CSK: variants seen among roughly 807,000 people sequenced by gnomAD.
CSK encodes tyrosine-protein kinase CSK.
Under a neutral mutation model 62.3 loss-of-function variants are expected in CSK, and 7 were observed. That is an observed-to-expected ratio of 0.11 (90% CI 0.06 to 0.21). The LOEUF (loss-of-function observed/expected upper bound fraction) is 0.21, where lower values mean the gene tolerates loss of function less well. Ranked by LOEUF, CSK falls within the 10% of genes least tolerant of loss-of-function variation. CSK has a pLI of 1.00. For missense variants in CSK, 294 were observed against 613.5 expected, an observed-to-expected ratio of 0.48 and a Z score of 5.50; for synonymous variants, 237 against 246.0, an observed-to-expected ratio of 0.96 and a Z score of 0.34.
In CSK at chr15:74,802,792, TAG is replaced by T. The variant is rs1477553526; in HGVS notation, c.*282_*283del. 5.0e-6 allele frequency: 2 copies of T among 402,186 alleles called. No individual in the cohort carries two copies. Among genetic ancestry groups the T allele is most frequent in the Non-Finnish European group, 8.8e-6 (2 of 226,382 alleles). 24.9% of individuals were successfully genotyped at this position (402,186 alleles called of 1,614,324 possible). A position where few individuals can be genotyped will look rare whatever the true frequency, so the allele number is the denominator to read the frequency against. Reference sequence around the variant, plus strand: ...CCTGGCCTCCCGCCACTCGCCTTCTTAGAGTTTTATTCCTTTCCTTTTTTGAG... The same window carrying T: ...CCTGGCCTCCCGCCACTCGCCTTCTTAGTTTTATTCCTTTCCTTTTTTGAG... On this transcript the variant is annotated 3_prime_UTR_variant, in exon 13 of 13. Transcript: ENST00000220003.
intron 1 of CSK, among the ~76,000 whole-genome samples, chr15:74,786,013 T>TTGTGTGTGTGTGTG (rs1555464578): frequency 3.5e-3 from 166 of 47,322 alleles, no homozygotes; most frequent in Middle Eastern, 0.013. Context: ...TTTTTTTTTT[T>TTGTGTGTGTGTGTG]TGTGTGTGTG....
rs1318371331 is a variant in CSK at position 74,803,032 on chromosome 15, T to C, written c.*519T>C. 1 of 158,454 alleles carries C rather than the reference T, an allele frequency of 6.3e-6. No homozygotes were observed. The highest frequency in any genetic ancestry group is 2.4e-5 in the African/African-American group (1 of 41,490). The allele number at this position is 158,454 out of a possible 1,614,324, so 9.8% of individuals were successfully genotyped here. ...CCCGTGTCTCCTCGGTCGCCCCGTG[T>C]TTGCGCTTGACCATGTTGCACTGTT... On this transcript the variant is annotated 3_prime_UTR_variant, in exon 13 of 13. Transcript: ENST00000220003.
At position 74,800,426 on chromosome 15, in the gene CSK, C is replaced by T. The variant is rs200813496; in HGVS notation, c.477C>T (p.Asp159=). 9.7e-5 allele frequency: 156 copies of T among 1,614,020 alleles called. 2 individuals carry two copies. Among genetic ancestry groups the T allele is most frequent in the South Asian group, 9.3e-4 (85 of 91,046 alleles). ...ACACCCTGCAGCACTACACCTCAGA[C>T]GCAGATGGACTCTGTACGCGCCTCA... ...LMQLVEHYTS[D]ADGLCTRLIK... is the part of the protein sequence containing the mutation. The change falls in exon 6 of 13, where the codon GAC becomes GAT. Residue 159 remains aspartate, a synonymous_variant. Transcript: ENST00000220003.
intron 9 of CSK, 142 bp from the exon 10 acceptor site, chr15:74,801,380 G>A: frequency 2.6e-6 from 2 of 762,308 alleles, no homozygotes; most frequent in Non-Finnish European, 4.2e-6. Context: ...GCAGTGTCCG[G>A]CATGGATGTT....
Position 74,785,240 on chromosome 15 carries a change from G to A in CSK, c.-66+2520G>A, listed in dbSNP as rs1040297457. On this transcript the variant is annotated intron_variant, in intron 1 of 12. Transcript: ENST00000220003. ...GACACCTTTTTTCATTTAATACTGC[G>A]TCTGTGGGCATTTTCTCATGGTGCT... is the stretch of plus-strand genomic sequence containing the variant. Among the ~76,000 whole-genome samples the A allele has an allele frequency of 2.5e-4, 38 of 152,086 alleles. 1 individual carries two copies. The highest frequency in any genetic ancestry group is 4.6e-4 in the Non-Finnish European group (31 of 68,028).
rs771759997 is a variant in CSK, at chr15:74,800,474, C to A, written c.525C>A (p.Gly175=). The change falls in exon 6 of 13, where the codon GGC becomes GGA. Residue 175 remains glycine, a synonymous_variant. Transcript: ENST00000220003. ...TRLIKPKVME[G]TVAAQDEFYR... The stretch of plus-strand genomic sequence containing the variant: ...TCATTAAACCAAAGGTCATGGAGGG[C>A]ACAGTGGCGGCCCAGGATGAGTTCT... The A allele has an allele frequency of 1.2e-6, 2 of 1,614,062 alleles. No homozygotes were observed. The highest frequency in any genetic ancestry group is 3.3e-5 in the Admixed American group (2 of 60,006).
intron 1 of CSK, among the ~76,000 whole-genome samples, chr15:74,792,799 C>T (rs570998489): frequency 2.0e-5 from 3 of 152,312 alleles, no homozygotes; most frequent in South Asian, 4.1e-4. Flanking sequence ...AGCCTGTTCC[C>T]GGGACCCCAG....
At chr15:74,789,026 C>G (rs1319540272) in intron 1 of CSK, among the ~76,000 whole-genome samples, 1 of 152,208 alleles carries the variant, frequency 6.6e-6, no homozygotes. Flanking sequence ...GCAGCGGTGC[C>G]TGGGGAGTAG....
At position 74,802,242 on chromosome 15, in the gene CSK, A is replaced by G. The variant is rs570931395; in HGVS notation, c.1171-89A>G. Reference sequence around the variant, plus strand: ...ACTCTCCGGGCCTGGGTCTGCGGCAAAGCTGATGGGCATCCCTGAGAGGCT... The same window carrying G: ...ACTCTCCGGGCCTGGGTCTGCGGCAGAGCTGATGGGCATCCCTGAGAGGCT... On this transcript the variant is annotated intron_variant, in intron 12 of 12. Coordinates refer to ENST00000220003, the MANE Select transcript of CSK (RefSeq NM_004383.3). 1.2e-5 allele frequency: 18 copies of G among 1,453,484 alleles called. No homozygotes were observed. The South Asian group carries it at 2.3e-4, about 18-fold the overall frequency. The allele number at this position is 1,453,484 out of a possible 1,614,324, so 90.0% of individuals were successfully genotyped here. A position where few individuals can be genotyped will look rare whatever the true frequency, so the allele number is the denominator to read the frequency against.
intron 1 of CSK, among the ~76,000 whole-genome samples, chr15:74,787,326 C>T (rs1439622583): frequency 1.3e-5 from 2 of 152,110 alleles, no homozygotes; most frequent in Non-Finnish European, 1.5e-5. Context: ...GCCCCTGCTC[C>T]TCGGGATCAG....
chr15:74,796,618 AAAG>A (rs1390226147), intron 1 of CSK, among the ~76,000 whole-genome samples: 1 of 152,050 alleles, frequency 6.6e-6, no homozygotes, highest in Non-Finnish European at 1.5e-5. Context: ...AAGAAAAGAA[AAAG>A]AAAAAATCCA....
rs1006545998 is a variant in CSK at position 74,787,886 on chromosome 15, A to G, written c.-66+5166A>G. Among the ~76,000 whole-genome samples the G allele has an allele frequency of 3.9e-5, 6 of 152,308 alleles. No individual in the cohort carries two copies. In the East Asian group the frequency reaches 9.7e-4, roughly 25 times the overall value. Reference sequence around the variant, plus strand: ...CAGACTCGCGCATCTATCTATCTGCAGCTTGTGCTGTCCGTGCTGCAGGGA... The same window carrying G: ...CAGACTCGCGCATCTATCTATCTGCGGCTTGTGCTGTCCGTGCTGCAGGGA... On this transcript the variant is annotated intron_variant, in intron 1 of 12. Coordinates refer to ENST00000220003, the MANE Select transcript of CSK (RefSeq NM_004383.3).
At chr15:74,786,013 T>TTGTGTGTGTGTGTGTGTG (rs1555464578) in intron 1 of CSK, among the ~76,000 whole-genome samples, 4 of 47,836 alleles carry the variant, frequency 8.4e-5, no homozygotes, top group African/African-American at 1.3e-4. Flanking sequence ...TTTTTTTTTT[T>TTGTGTGTGTGTGTGTGTG]TGTGTGTGTG....
intron 1 of CSK, among the ~76,000 whole-genome samples, chr15:74,796,190 G>A (rs943842475): frequency 1.1e-4 from 17 of 151,862 alleles, no homozygotes; most frequent in Admixed American, 2.6e-4. Context: ...CCACCACTGC[G>A]TTCCAGCCTG....
At chr15:74,801,227 C>A (rs2063787924) in intron 9 of CSK, 125 bp downstream of exon 9, 1 of 1,048,414 alleles carries the variant, frequency 9.5e-7, no homozygotes, top group South Asian at 1.4e-5. Context: ...CAGGGCTGGG[C>A]TTTTGTCCTG....
rs1297661895 is a variant in CSK at position 74,800,393 on chromosome 15, T to C, written c.463-19T>C. 3 of 1,610,890 alleles carry C rather than the reference T, an allele frequency of 1.9e-6. No individual in the cohort carries two copies. The highest frequency in any genetic ancestry group is 2.2e-5 in the East Asian group (1 of 44,852). Reference sequence around the variant, plus strand: ...CACCTTGGGCTGTCTCTGAGCACCCTGCCCCCCACACCCTGCAGCACTACA... The same window carrying C: ...CACCTTGGGCTGTCTCTGAGCACCCCGCCCCCCACACCCTGCAGCACTACA... On this transcript the variant is annotated intron_variant, in intron 5 of 12. Coordinates refer to ENST00000220003, the MANE Select transcript of CSK (RefSeq NM_004383.3).
chr15:74,799,051 A>G, intron 4 of CSK, 113 bp downstream of exon 4: 1 of 1,102,336 alleles, frequency 9.1e-7, no homozygotes, highest in Non-Finnish European at 1.3e-6. Context: ...GGAGGGCCTC[A>G]GGAGGAGGTG....
intron 9 of CSK, among the ~76,000 whole-genome samples, 158 bp downstream of exon 9, chr15:74,801,260 C>G (rs1012214297): frequency 1.3e-5 from 2 of 152,206 alleles, no homozygotes; most frequent in African/African-American, 2.4e-5. Flanking sequence ...TTGACTGTAA[C>G]ATTGGACAAA....
intron 1 of CSK, among the ~76,000 whole-genome samples, chr15:74,789,125 G>C (rs1265143476): frequency 6.6e-6 from 1 of 152,132 alleles, no homozygotes; most frequent in Non-Finnish European, 1.5e-5. Flanking sequence ...TTGGGGGCAG[G>C]GGAAAAAAAG....
Sources: allele counts gnomAD v4.1 joint callset (sites outside exome capture counted in the v4.1 genomes callset), GRCh38; gene constraint gnomAD v4.1.1; transcripts MANE v1.5; gene names NCBI Gene and HGNC (gene_info 2026-07-23, HGNC 2026-07-21).